The following PLXNA4 variants were observed in gnomAD, a reference collection of about 807,000 sequenced individuals.
PLXNA4 encodes plexin-A4.
In PLXNA4, 44 loss-of-function variants were observed where a neutral mutation model predicts 191.8. The observed-to-expected ratio is 0.23, with a 90% CI of 0.18 to 0.29. The LOEUF is 0.29. PLXNA4 is among the 10% of genes least tolerant of loss of function. The pLI, the probability that PLXNA4 is intolerant of heterozygous loss-of-function variation, is 1.00. For synonymous variants in PLXNA4, 1,082 were observed against 1,009.5 expected (o/e 1.07, Z -1.36); for missense variants, 1,800 against 2,488.8 (o/e 0.72, Z 5.89).
At chr7:132,255,661 C>T (rs1420457583) in intron 4 of PLXNA4, among the ~76,000 whole-genome samples, 1 of 152,172 alleles carries the variant, frequency 6.6e-6, no homozygotes, top group African/African-American at 2.4e-5. Flanking sequence ...TTATTCCTAA[C>T]CTGACCACTG....
chr7:132,271,679 T>C (rs1324339385), intron 4 of PLXNA4, among the ~76,000 whole-genome samples: 1 of 152,050 alleles, frequency 6.6e-6, no homozygotes, highest in Admixed American at 6.6e-5. Flanking sequence ...AAATGATGGA[T>C]GTAACTATCA....
intron 3 of PLXNA4, among the ~76,000 whole-genome samples, chr7:132,332,403 G>A (rs964856925): frequency 1.3e-5 from 2 of 152,126 alleles, no homozygotes; most frequent in Non-Finnish European, 2.9e-5. Context: ...TCTCTATCAG[G>A]TCTTGTTTAA....
intron 12 of PLXNA4, among the ~76,000 whole-genome samples, chr7:132,200,462 T>A (rs1048935641): frequency 8.5e-5 from 13 of 152,168 alleles, no homozygotes; most frequent in Admixed American, 3.9e-4. Context: ...TCCAGATCAT[T>A]CTGTAGGTTA....
chr7:132,195,482 C>T (rs888074379), intron 13 of PLXNA4, among the ~76,000 whole-genome samples: 4 of 152,188 alleles, frequency 2.6e-5, no homozygotes, highest in African/African-American at 7.2e-5. Flanking sequence ...AAGGAAGGAA[C>T]CTGTTGGGTC....
In PLXNA4 at chr7:132,165,129, C is replaced by T; in HGVS notation, c.4353+5G>A. Reference sequence around the variant, plus strand: ...GGCCAGAAATACGTCCACATCCAACCCTACCTTGAGGAACTTGTAGAGGAG... The same window carrying T: ...GGCCAGAAATACGTCCACATCCAACTCTACCTTGAGGAACTTGTAGAGGAG... On this transcript the variant is annotated splice_donor_5th_base_variant and intron_variant, in intron 23 of 31. Coordinates refer to ENST00000321063, the MANE Select transcript of PLXNA4 (RefSeq NM_020911.2). 6.2e-7 allele frequency: 1 copy of T among 1,612,576 alleles called. No individual in the cohort carries two copies. Among genetic ancestry groups the T allele is most frequent in the South Asian group, 1.1e-5 (1 of 90,864 alleles).
intron 3 of PLXNA4, among the ~76,000 whole-genome samples, chr7:132,322,153 C>A (rs964609115): frequency 5.4e-5 from 8 of 148,900 alleles, no homozygotes. Flanking sequence ...ACCAGGTAGA[C>A]CAAGGCTAGA....
chr7:132,206,551 TTCTTTC>T (rs1337069247), intron 10 of PLXNA4, among the ~76,000 whole-genome samples: 1 of 151,884 alleles, frequency 6.6e-6, no homozygotes, highest in Non-Finnish European at 1.5e-5. Flanking sequence ...TGCTGGGCAT[TTCTTTC>T]TCTTTCTCTC....
In PLXNA4 at chr7:132,297,455, T is replaced by C. The variant is rs549508966; in HGVS notation, c.1503+636A>G. On this transcript the variant is annotated intron_variant, in intron 4 of 31. Coordinates refer to ENST00000321063, the MANE Select transcript of PLXNA4 (RefSeq NM_020911.2). ...GCTCAGGGACTCCAGAAAAACTCAC[T>C]TCGTTCTCAGCTCAGTTTGAGAACC... Among the ~76,000 whole-genome samples the C allele has an allele frequency of 5.3e-5, 8 of 152,268 alleles. No homozygotes were observed. In the East Asian group the frequency reaches 1.4e-3, roughly 26 times the overall value.
chr7:132,359,209 CTTTTT>C (rs57415453), intron 3 of PLXNA4, among the ~76,000 whole-genome samples: 12 of 110,908 alleles, frequency 1.1e-4, no homozygotes, highest in Middle Eastern at 5.0e-3. Context: ...GTCAAGGCTG[CTTTTT>C]TTTTTTTTTT....
intron 3 of PLXNA4, among the ~76,000 whole-genome samples, chr7:132,411,248 G>C (rs535574633): frequency 3.3e-5 from 5 of 152,282 alleles, no homozygotes; most frequent in African/African-American, 1.2e-4. Context: ...TTGGAGCTGG[G>C]TGATTCTCTG....
At chr7:132,496,042 C>G (rs156949) in intron 2 of PLXNA4, among the ~76,000 whole-genome samples, 115,290 of 152,204 alleles carry the variant, frequency 0.76, 46,474 homozygotes, top group Non-Finnish European at 0.88. Context: ...ATGGACAGAC[C>G]TGGGCCATGA....
chr7:132,638,035 AG>A (rs1421589198), intron 2 of PLXNA4, among the ~76,000 whole-genome samples: 2 of 152,130 alleles, frequency 1.3e-5, no homozygotes, highest in East Asian at 3.9e-4. Flanking sequence ...TGTCTTCCAC[AG>A]CAGTGCTTCC....
At chr7:132,481,115 A>C (rs1182193713) in intron 3 of PLXNA4, among the ~76,000 whole-genome samples, 5 of 152,094 alleles carry the variant, frequency 3.3e-5, no homozygotes, top group Admixed American at 3.3e-4. Context: ...TAGGAAGCTG[A>C]ATCTGCCATC....
chr7:132,274,266 G>GTA (rs548956261), intron 4 of PLXNA4, among the ~76,000 whole-genome samples: 1,908 of 147,080 alleles, frequency 0.013, 22 homozygotes, highest in East Asian at 0.06. Flanking sequence ...ACGCTAATAT[G>GTA]TATATATATA....
intron 30 of PLXNA4, among the ~76,000 whole-genome samples, chr7:132,139,623 T>A (rs192998133): frequency 1.4e-3 from 210 of 152,302 alleles, no homozygotes; most frequent in Admixed American, 3.9e-3. Context: ...TGGGGCTACC[T>A]CATTCTGTAG....
At chr7:132,256,743 A>C (rs1418057274) in intron 4 of PLXNA4, among the ~76,000 whole-genome samples, 1 of 152,180 alleles carries the variant, frequency 6.6e-6, no homozygotes, top group Non-Finnish European at 1.5e-5. Flanking sequence ...CTCATTCCCC[A>C]ACCCATGACC....
intron 31 of PLXNA4, among the ~76,000 whole-genome samples, chr7:132,130,913 C>A (rs1794907849): frequency 6.6e-6 from 1 of 152,298 alleles, no homozygotes; most frequent in Admixed American, 6.5e-5. Context: ...CAGTTACCTG[C>A]AGGTTAGACA....
chr7:132,228,125 T>C (rs1798392142), intron 6 of PLXNA4, among the ~76,000 whole-genome samples: 1 of 152,188 alleles, frequency 6.6e-6, no homozygotes, highest in Non-Finnish European at 1.5e-5. Context: ...TTTCTACTCT[T>C]TATGAATAGA....
chr7:132,317,165 C>T (rs1016409438), intron 3 of PLXNA4, among the ~76,000 whole-genome samples: 1 of 151,302 alleles, frequency 6.6e-6, no homozygotes, highest in African/African-American at 2.4e-5. Context: ...GGGCTGGGTT[C>T]AGTTAAGTTT....
Sources: gnomAD v4.1 joint callset for allele counts (sites outside exome capture counted in the v4.1 genomes callset) on GRCh38, gnomAD v4.1.1 for gene constraint, MANE v1.5 for transcripts, NCBI Gene and HGNC (gene_info 2026-07-23, HGNC 2026-07-21) for gene names.